RSF1: variants seen among roughly 807,000 people sequenced by gnomAD.
RSF1 encodes the protein HBV pX-associated protein 8.
In RSF1, 13 loss-of-function variants were observed where a neutral mutation model predicts 145.2. That is an observed-to-expected ratio of 0.09 (90% confidence interval 0.06 to 0.14). The LOEUF (loss-of-function observed/expected upper bound fraction) is 0.14. Among genes scored for constraint, RSF1 ranks in the 10% least tolerant of loss-of-function variants. The pLI, the probability that RSF1 is intolerant of heterozygous loss-of-function variation, is 1.00. For missense variants in RSF1, 1,517 were observed against 1,718.2 expected, an observed-to-expected ratio of 0.88 and a Z score of 2.07; for synonymous variants, 577 against 592.6, an observed-to-expected ratio of 0.97 and a Z score of 0.38.
intron 1 of RSF1, among the ~76,000 whole-genome samples, chr11:77,802,636 T>C (rs895638121): frequency 2.6e-5 from 4 of 152,182 alleles, no homozygotes; most frequent in Admixed American, 2.0e-4. Flanking sequence ...CTCCGCCTCC[T>C]GGGTTCAAGC....
chr11:77,714,171 C>G (rs933814478), intron 5 of RSF1, among the ~76,000 whole-genome samples: 1 of 152,126 alleles, frequency 6.6e-6, no homozygotes, highest in Non-Finnish European at 1.5e-5. Flanking sequence ...TAATTTGGAG[C>G]CTATGCCCAG....
chr11:77,749,753 C>A (rs1948040966), intron 2 of RSF1, among the ~76,000 whole-genome samples: 1 of 152,030 alleles, frequency 6.6e-6, no homozygotes, highest in African/African-American at 2.4e-5. Context: ...ATTTACTACT[C>A]ATTTTGTATT....
intron 1 of RSF1, among the ~76,000 whole-genome samples, chr11:77,780,939 C>G (rs1441283267): frequency 4.6e-5 from 7 of 152,146 alleles, no homozygotes; most frequent in Admixed American, 2.6e-4. Flanking sequence ...TTCCATACTA[C>G]AGATTTGCCT....
At chr11:77,773,984 A>G (rs1377043682) in intron 1 of RSF1, among the ~76,000 whole-genome samples, 1 of 152,252 alleles carries the variant, frequency 6.6e-6, no homozygotes, top group African/African-American at 2.4e-5. Flanking sequence ...TACAGAACAC[A>G]TGAACTAAGT....
At chr11:77,812,055 G>A (rs1948736982) in intron 1 of RSF1, among the ~76,000 whole-genome samples, 1 of 152,128 alleles carries the variant, frequency 6.6e-6, no homozygotes, top group African/African-American at 2.4e-5. Context: ...GCACATGCCT[G>A]TAGTCCCCAG....
chr11:77,679,004 T>C, intron 11 of RSF1, among the ~76,000 whole-genome samples: 1 of 152,186 alleles, frequency 6.6e-6, no homozygotes. Flanking sequence ...AGCAAAAATT[T>C]TTATAAAGGG....
At chr11:77,681,381 T>C (rs756027001) in intron 11 of RSF1, among the ~76,000 whole-genome samples, 24 of 152,352 alleles carry the variant, frequency 1.6e-4, no homozygotes, top group Middle Eastern at 3.4e-3. Flanking sequence ...ATGTATTTCA[T>C]TCATACATGC....
chr11:77,759,798 G>C (rs911200524), intron 2 of RSF1, among the ~76,000 whole-genome samples: 1 of 149,438 alleles, frequency 6.7e-6, no homozygotes, highest in African/African-American at 2.5e-5. Flanking sequence ...GTGACTTTGG[G>C]AGTAATTCAC....
At chr11:77,737,492 A>ACAAC (rs10676933) in intron 4 of RSF1, among the ~76,000 whole-genome samples, 1 of 146,380 alleles carries the variant, frequency 6.8e-6, no homozygotes, top group East Asian at 1.9e-4. Flanking sequence ...AACAACAACA[A>ACAAC]AAAAACGGAA....
chr11:77,791,791 G>A (rs1948519961), intron 1 of RSF1, among the ~76,000 whole-genome samples: 1 of 152,148 alleles, frequency 6.6e-6, no homozygotes, highest in Non-Finnish European at 1.5e-5. Context: ...ACCTCAGCCT[G>A]GATCTTATTG....
At chr11:77,839,156 G>C in the RSF1 span, among the ~76,000 whole-genome samples, 25 of 151,832 alleles carry the variant, frequency 1.6e-4, no homozygotes, top group African/African-American at 4.3e-4. Context: ...ATTAATTTTT[G>C]GAGACAGAGT....
the RSF1 span, among the ~76,000 whole-genome samples, chr11:77,840,779 G>T: frequency 1.3e-5 from 2 of 152,030 alleles, no homozygotes; most frequent in Non-Finnish European, 1.5e-5. Flanking sequence ...GTAATTTTTT[G>T]TTGAAGAGTG....
At chr11:77,870,266 C>T in the RSF1 span, among the ~76,000 whole-genome samples, 5 of 150,294 alleles carry the variant, frequency 3.3e-5, no homozygotes, top group Admixed American at 6.6e-5. Context: ...AATGATCTCC[C>T]GCCTCGGCCT....
At chr11:77,725,031 T>C (rs1248754492) in intron 5 of RSF1, among the ~76,000 whole-genome samples, 1 of 152,108 alleles carries the variant, frequency 6.6e-6, no homozygotes, top group East Asian at 1.9e-4. Context: ...ATGATCAAAT[T>C]CATAAGAGAC....
intron 3 of RSF1, among the ~76,000 whole-genome samples, chr11:77,743,325 A>T (rs1240887784): frequency 5.5e-4 from 83 of 152,246 alleles, no homozygotes; most frequent in Non-Finnish European, 1.0e-4. Context: ...CACTTTGGGT[A>T]GTACGGACAT....
upstream of RSF1, among the ~76,000 whole-genome samples, chr11:77,825,787 G>T (rs566751426): frequency 1.3e-5 from 2 of 151,352 alleles, no homozygotes; most frequent in African/African-American, 4.9e-5. Flanking sequence ...TGCCTCCTAA[G>T]TTCAAGTGAT....
intron 1 of RSF1, among the ~76,000 whole-genome samples, chr11:77,810,977 C>T (rs1042155965): frequency 1.2e-4 from 19 of 152,100 alleles, no homozygotes; most frequent in Admixed American, 5.2e-4. Flanking sequence ...AGTGCAGTGG[C>T]ATGATCAGCC....
At chr11:77,864,934 A>C in the RSF1 span, among the ~76,000 whole-genome samples, 1 of 152,086 alleles carries the variant, frequency 6.6e-6, no homozygotes, top group Non-Finnish European at 1.5e-5. Flanking sequence ...CCCTGATTGC[A>C]CCACTGCCCT....
At chr11:77,830,341 T>G in the RSF1 span, among the ~76,000 whole-genome samples, 6 of 152,168 alleles carry the variant, frequency 3.9e-5, no homozygotes, top group African/African-American at 1.4e-4. Flanking sequence ...GATACTGCCC[T>G]GCCACCAAAA....
Sources: allele counts gnomAD v4.1 joint callset (sites outside exome capture counted in the v4.1 genomes callset), GRCh38; gene constraint gnomAD v4.1.1; transcripts MANE v1.5; gene names NCBI Gene and HGNC (gene_info 2026-07-23, HGNC 2026-07-21).